DMXL2: variants seen among roughly 807,000 people sequenced by gnomAD.
DMXL2 encodes dmX-like protein 2.
A neutral mutation model predicts 331.1 loss-of-function variants in DMXL2; 103 were observed. The ratio of observed to expected loss-of-function variants is 0.31; its 90% confidence interval spans 0.27 to 0.37. The LOEUF is 0.37. DMXL2 is among the 10% of genes least tolerant of loss of function. DMXL2 has a pLI of 1.00. For synonymous variants in DMXL2, 1,281 were observed against 1,252.1 expected, an observed-to-expected ratio of 1.02 and a Z score of -0.49; for missense variants, 3,171 against 3,642.9, an observed-to-expected ratio of 0.87 and a Z score of 3.33.
intron 23 of DMXL2, among the ~76,000 whole-genome samples, chr15:51,484,249 C>T (rs1286263296): frequency 6.6e-6 from 1 of 152,224 alleles, no homozygotes; most frequent in Non-Finnish European, 1.5e-5. Flanking sequence ...CCAGGCTGGC[C>T]AAGTGACCAT....
chr15:51,546,671 G>C (rs1366469768), intron 7 of DMXL2, among the ~76,000 whole-genome samples: 1 of 151,934 alleles, frequency 6.6e-6, no homozygotes, highest in Non-Finnish European at 1.5e-5. Context: ...GTGCCACAAT[G>C]ATGAGGAAAA....
At position 51,500,196 on chromosome 15, in the gene DMXL2, G is replaced by A. The variant is rs1417735814; in HGVS notation, c.3028C>T (p.Leu1010Phe). ...GTTGTAACCACTAAATAAGGTGCAAGGCACACTGGATAAATTGAAGAAGAA... is the reference window on the plus strand; with the variant it reads ...GTTGTAACCACTAAATAAGGTGCAAAGCACACTGGATAAATTGAAGAAGAA... The part of the protein sequence containing the change: ...LSSSSIYPVC[L>F]APYLVVTTCS... The change falls in exon 18 of 44, where the codon CTT (leucine) becomes TTT (phenylalanine). Residue 1010 changes from leucine to phenylalanine, a missense_variant. Physicochemically the swap from Leu to Phe is conservative, Grantham distance 22. This residue lies in a region of DMXL2 where 1,674 missense variants were observed against 1,780.2 expected (regional missense o/e 0.94). Transcript: ENST00000560891. The A allele has an allele frequency of 1.2e-6, 2 of 1,611,760 alleles. No individual in the cohort carries two copies. The highest frequency in any genetic ancestry group is 1.7e-6 in the Non-Finnish European group (2 of 1,179,188).
intron 13 of DMXL2, among the ~76,000 whole-genome samples, chr15:51,517,425 A>T (rs2047096352): frequency 6.6e-6 from 1 of 152,230 alleles, no homozygotes; most frequent in Non-Finnish European, 1.5e-5. Flanking sequence ...TTGCAACCTT[A>T]AAGCCCAAGA....
intron 1 of DMXL2, 29 bp downstream of exon 1, chr15:51,622,430 T>C (rs2054713887): frequency 6.4e-7 from 1 of 1,551,656 alleles, no homozygotes; most frequent in Non-Finnish European, 8.7e-7. Context: ...CCCTGGTATC[T>C]TCCCCTAGGG....
Position 51,622,518 on chromosome 15 carries a change from CT to C in DMXL2, c.27del (p.Ala10LeufsTer79). 1 of 1,566,418 alleles carries C rather than the reference CT, an allele frequency of 6.4e-7. No individual in the cohort carries two copies. Among genetic ancestry groups the C allele is most frequent in the East Asian group, 2.4e-5 (1 of 41,814 alleles). ...TAGCAGTTGTCTCCAGGGTTGACAG[CT>C]CCGGTGAGGACCTGATGCAGATGCA... MHLHQVLT[G>X]AVNPGDNCYS... is the part of the protein sequence containing the mutation. On this transcript the variant is annotated frameshift_variant, in exon 1 of 44. Coordinates refer to ENST00000560891, the MANE Select transcript of DMXL2 (RefSeq NM_001378457.1). LOFTEE classifies it high-confidence loss of function.
chr15:51,459,174 T>C (rs574369011), intron 34 of DMXL2: 40 of 196,276 alleles, frequency 2.0e-4, no homozygotes, highest in African/African-American at 8.4e-4. Context: ...TAAAAAGCCA[T>C]AGAAAACCGC....
At chr15:51,585,005 T>C (rs1180126712) in intron 1 of DMXL2, among the ~76,000 whole-genome samples, 1 of 2,020 alleles carries the variant, frequency 5.0e-4, no homozygotes, top group African/African-American at 2.3e-3. Context: ...CTGAAGTTGC[T>C]TATCAGCTTA....
chr15:51,565,278 G>T, intron 3 of DMXL2, 112 bp from the exon 4 acceptor site: 2 of 578,566 alleles, frequency 3.5e-6, no homozygotes, highest in South Asian at 3.5e-5. Context: ...TTAAGATCTG[G>T]AACAAAGATG....
At chr15:51,572,175 G>A (rs944076774) in intron 2 of DMXL2, among the ~76,000 whole-genome samples, 2 of 150,878 alleles carry the variant, frequency 1.3e-5, no homozygotes, top group African/African-American at 4.9e-5. Context: ...ACATAAACTA[G>A]AAAATCTAGA....
At chr15:51,534,777 G>A (rs2048193423) in intron 13 of DMXL2, among the ~76,000 whole-genome samples, 1 of 152,100 alleles carries the variant, frequency 6.6e-6, no homozygotes, top group Non-Finnish European at 1.5e-5. Flanking sequence ...CTCAGGCAAA[G>A]ACAAAGAATT....
chr15:51,489,553 G>A (rs941865204), intron 20 of DMXL2, among the ~76,000 whole-genome samples: 1 of 152,070 alleles, frequency 6.6e-6, no homozygotes, highest in Non-Finnish European at 1.5e-5. Flanking sequence ...GCTACTTGGA[G>A]GCTGGTTGGG....
At chr15:51,565,582 C>T (rs965117307) in intron 3 of DMXL2, among the ~76,000 whole-genome samples, 2 of 152,214 alleles carry the variant, frequency 1.3e-5, no homozygotes, top group African/African-American at 4.8e-5. Flanking sequence ...CATTATAACA[C>T]TGATCACATG....
rs777070047 is a variant in DMXL2, at chr15:51,507,272, G to A, written c.2645-19C>T. ...CGGTATCCTATTATTCAAAGGAAAA[G>A]GATATTTAAATTAGTATGTTTTTAT... On this transcript the variant is annotated intron_variant, in intron 15 of 43. Transcript: ENST00000560891. The A allele has an allele frequency of 3.1e-6, 5 of 1,591,514 alleles. No individual in the cohort carries two copies. The Admixed American group carries it at 8.9e-5, about 28-fold the overall frequency.
chr15:51,570,689 T>A (rs2050609883), intron 2 of DMXL2, among the ~76,000 whole-genome samples: 1 of 152,196 alleles, frequency 6.6e-6, no homozygotes, highest in East Asian at 1.9e-4. Context: ...CCAGCCAAAC[T>A]AAGCTTCTTA....
intron 13 of DMXL2, among the ~76,000 whole-genome samples, chr15:51,524,762 G>A (rs1447551348): frequency 1.3e-5 from 2 of 152,122 alleles, no homozygotes; most frequent in Non-Finnish European, 1.5e-5. Flanking sequence ...CAAAAGCCTT[G>A]CCACCACAAG....
At chr15:51,519,148 T>C (rs1319365477) in intron 13 of DMXL2, among the ~76,000 whole-genome samples, 2 of 152,190 alleles carry the variant, frequency 1.3e-5, no homozygotes, top group African/African-American at 4.8e-5. Flanking sequence ...TATATTTTTT[T>C]TTAATGGTTA....
chr15:51,513,162 T>C (rs1308922160), intron 15 of DMXL2, among the ~76,000 whole-genome samples: 1 of 152,046 alleles, frequency 6.6e-6, no homozygotes, highest in African/African-American at 2.4e-5. Flanking sequence ...GCATAACAAA[T>C]ATCAAAAGCG....
chr15:51,544,117 C>T (rs771369769), intron 8 of DMXL2, among the ~76,000 whole-genome samples: 7 of 152,216 alleles, frequency 4.6e-5, no homozygotes, highest in Admixed American at 6.5e-5. Flanking sequence ...GTAAAAATAG[C>T]GCCCAATCAC....
chr15:51,485,750 A>G (rs933499916), intron 23 of DMXL2, among the ~76,000 whole-genome samples: 5 of 152,222 alleles, frequency 3.3e-5, no homozygotes, highest in African/African-American at 7.2e-5. Context: ...AATTTACCAC[A>G]GAGGCATAAA....
Sources: gnomAD v4.1 joint callset for allele counts (sites outside exome capture counted in the v4.1 genomes callset) on GRCh38, gnomAD v4.1.1 for gene constraint, gnomAD v4.1.1 regional missense constraint, MANE v1.5 for transcripts, NCBI Gene and HGNC (gene_info 2026-07-23, HGNC 2026-07-21) for gene names.